Variants in GRIK2 observed in about 807,000 individuals in gnomAD.
GRIK2 encodes the protein glutamate ionotropic receptor kainate type subunit 2.
GRIK2 carries 32 observed loss-of-function variants against 100.3 expected under a neutral mutation model. That is an observed-to-expected ratio of 0.32 (90% CI 0.24 to 0.43). The LOEUF (loss-of-function observed/expected upper bound fraction) is 0.43. Among genes scored for constraint, GRIK2 ranks in the 20% least tolerant of loss-of-function variants. The pLI is 1.00. For missense variants in GRIK2, 843 were observed against 1,114.9 expected (o/e 0.76, Z 3.47); for synonymous variants, 417 against 389.4 (o/e 1.07, Z -0.83).
intron 14 of GRIK2, among the ~76,000 whole-genome samples, chr6:101,933,934 T>C (rs952537310): frequency 6.6e-5 from 10 of 151,900 alleles, no homozygotes; most frequent in African/African-American, 2.4e-4. Flanking sequence ...TAATTTTTGG[T>C]ACTGAGCAAA....
At chr6:101,558,576 G>A (rs1355021338) in intron 2 of GRIK2, among the ~76,000 whole-genome samples, 2 of 152,072 alleles carry the variant, frequency 1.3e-5, no homozygotes, top group African/African-American at 4.8e-5. Flanking sequence ...ATGTGGTAGG[G>A]GTGGGTGTAT....
chr6:101,955,576 T>TTCTCTCTCTC (rs60603807), intron 14 of GRIK2, among the ~76,000 whole-genome samples: 62 of 116,340 alleles, frequency 5.3e-4, no homozygotes, highest in Middle Eastern at 5.0e-3. Flanking sequence ...GAGCAAGGCC[T>TTCTCTCTCTC]TCTCTCTCTC....
intron 11 of GRIK2, among the ~76,000 whole-genome samples, chr6:101,874,893 CTGTT>C (rs1428576641): frequency 1.3e-5 from 2 of 151,998 alleles, no homozygotes; most frequent in Admixed American, 6.6e-5. Context: ...ATTTGGCTCT[CTGTT>C]TGTCTGTTAT....
intron 12 of GRIK2, among the ~76,000 whole-genome samples, chr6:101,922,883 A>G (rs935552613): frequency 3.9e-5 from 6 of 152,238 alleles, no homozygotes; most frequent in African/African-American, 1.4e-4. Context: ...TTACTTGGAA[A>G]TACTTTAAAA....
intron 2 of GRIK2, among the ~76,000 whole-genome samples, chr6:101,452,042 T>C (rs1386950166): frequency 6.6e-6 from 1 of 151,834 alleles, no homozygotes; most frequent in Non-Finnish European, 1.5e-5. Flanking sequence ...TATGTATATA[T>C]TTAATACCTT....
intron 14 of GRIK2, among the ~76,000 whole-genome samples, chr6:102,007,660 A>T (rs1249747018): frequency 6.6e-6 from 1 of 152,258 alleles, no homozygotes; most frequent in East Asian, 1.9e-4. Flanking sequence ...GGAATCAAAA[A>T]TTTTCATATT....
intron 2 of GRIK2, among the ~76,000 whole-genome samples, chr6:101,594,024 G>A (rs1778795848): frequency 6.6e-6 from 1 of 151,864 alleles, no homozygotes; most frequent in African/African-American, 2.4e-5. Context: ...GAAATGTCAG[G>A]TGTTGGGATA....
intron 7 of GRIK2, among the ~76,000 whole-genome samples, chr6:101,698,001 C>G (rs1489732795): frequency 6.6e-6 from 1 of 152,078 alleles, no homozygotes; most frequent in Non-Finnish European, 1.5e-5. Context: ...CTCAAAGGAT[C>G]TTTTGATCCC....
chr6:102,028,766 G>T (rs1769837732), intron 14 of GRIK2, among the ~76,000 whole-genome samples: 1 of 150,644 alleles, frequency 6.6e-6, no homozygotes, highest in African/African-American at 2.4e-5. Context: ...ATCTTTTTAT[G>T]TTTTATGTAA....
chr6:101,715,897 C>T (rs1393603240), intron 7 of GRIK2, among the ~76,000 whole-genome samples: 1 of 151,730 alleles, frequency 6.6e-6, no homozygotes, highest in Non-Finnish European at 1.5e-5. Context: ...AATGTTTGGC[C>T]TAAATATGTT....
chr6:101,899,099 T>G (rs1377563136), intron 12 of GRIK2, among the ~76,000 whole-genome samples: 7 of 148,662 alleles, frequency 4.7e-5, no homozygotes, highest in Non-Finnish European at 1.0e-4. Context: ...TTTTGTTGTT[T>G]TTGTTTTTTT....
chr6:101,396,922 T>A (rs2852510), intron 1 of GRIK2, among the ~76,000 whole-genome samples: 21,422 of 152,164 alleles, frequency 0.14, 1,747 homozygotes, highest in Non-Finnish European at 0.18. Context: ...AAAAGTACAA[T>A]CTTTTAACTG....
chr6:102,048,233 T>C (rs1017753271), intron 15 of GRIK2, among the ~76,000 whole-genome samples: 2 of 151,578 alleles, frequency 1.3e-5, no homozygotes, highest in African/African-American at 4.8e-5. Context: ...GAATTAAAAG[T>C]AAGGTCAGAA....
At chr6:101,639,468 G>A (rs1182582879) in intron 4 of GRIK2, among the ~76,000 whole-genome samples, 1 of 151,948 alleles carries the variant, frequency 6.6e-6, no homozygotes, top group Non-Finnish European at 1.5e-5. Context: ...TTTTAGTTAA[G>A]TATTCAATAA....
chr6:101,891,991 C>T (rs1787131040), intron 12 of GRIK2, among the ~76,000 whole-genome samples: 1 of 152,092 alleles, frequency 6.6e-6, no homozygotes, highest in Non-Finnish European at 1.5e-5. Flanking sequence ...CTTCAGCCAG[C>T]CCACAGGTCA....
chr6:101,731,214 C>T (rs1029571200), intron 7 of GRIK2, among the ~76,000 whole-genome samples: 1 of 151,918 alleles, frequency 6.6e-6, no homozygotes, highest in South Asian at 2.1e-4. Flanking sequence ...TCCACCCTAA[C>T]CCAGTTGCTA....
intron 10 of GRIK2, among the ~76,000 whole-genome samples, chr6:101,834,070 T>G (rs755533013): frequency 2.2e-4 from 34 of 152,128 alleles, no homozygotes; most frequent in Non-Finnish European, 3.5e-4. Flanking sequence ...CTTTTCATTT[T>G]ATTGTTTCTT....
At chr6:101,438,529 C>T (rs1769863731) in intron 2 of GRIK2, among the ~76,000 whole-genome samples, 1 of 151,886 alleles carries the variant, frequency 6.6e-6, no homozygotes, top group South Asian at 2.1e-4. Context: ...ATATTGGAAA[C>T]TCTTTCCAAT....
chr6:101,470,541 C>CT, intron 2 of GRIK2, among the ~76,000 whole-genome samples: 1 of 152,100 alleles, frequency 6.6e-6, no homozygotes, highest in Non-Finnish European at 1.5e-5. Context: ...ATTTTTCTTT[C>CT]TTTTTTCAGA....
Sources: allele counts gnomAD v4.1 joint callset (sites outside exome capture counted in the v4.1 genomes callset), GRCh38; gene constraint gnomAD v4.1.1; transcripts MANE v1.5; gene names NCBI Gene and HGNC (gene_info 2026-07-23, HGNC 2026-07-21).